PCDH9: variants seen among roughly 807,000 people sequenced by gnomAD.
The protein encoded by PCDH9 is protocadherin 9, also known as protocadherin-9.
In PCDH9, 24 loss-of-function variants were observed where a neutral mutation model predicts 70.6. The ratio of observed to expected loss-of-function variants is 0.34; its 90% CI spans 0.25 to 0.48. The LOEUF is 0.48. PCDH9 is among the 20% of genes least tolerant of loss of function. The pLI is 0.99. For missense variants in PCDH9, 1,281 were observed against 1,503.6 expected (o/e 0.85, Z 2.45); for synonymous variants, 562 against 558.5 (o/e 1.01, Z -0.09).
chr13:66,911,981 A>G (rs2082475245), intron 2 of PCDH9, among the ~76,000 whole-genome samples: 1 of 152,162 alleles, frequency 6.6e-6, no homozygotes, highest in Admixed American at 6.6e-5. Context: ...TTATTTCATT[A>G]TTTACTGCGA....
chr13:67,005,977 A>C (rs7999101), intron 2 of PCDH9, among the ~76,000 whole-genome samples: 1 of 152,006 alleles, frequency 6.6e-6, no homozygotes, highest in African/African-American at 2.4e-5. Context: ...CTGTAATCCC[A>C]GCACTTTGGG....
chr13:66,403,238 C>G (rs965624052), intron 4 of PCDH9, among the ~76,000 whole-genome samples: 4 of 151,948 alleles, frequency 2.6e-5, no homozygotes, highest in Non-Finnish European at 4.4e-5. Context: ...TTTACAGGCT[C>G]AAGCAATCCT....
In PCDH9 at chr13:66,730,078, C is replaced by T. The variant is rs187669593; in HGVS notation, c.3139-98667G>A. Among the ~76,000 whole-genome samples the T allele has an allele frequency of 7.2e-5, 11 of 152,272 alleles. No homozygotes were observed. The South Asian group carries it at 1.2e-3, about 17-fold the overall frequency. On this transcript the variant is annotated intron_variant, in intron 3 of 4. Transcript: ENST00000377865. ...TTAACCATCTACAGTGGGCCTATAG[C>T]CCCATTATACTACTTCTGTAGAGAC...
rs553500581 is a variant in PCDH9, at chr13:67,154,857, C to T, written c.3036+70548G>A. On this transcript the variant is annotated intron_variant, in intron 2 of 4. Coordinates refer to ENST00000377865, the MANE Select transcript of PCDH9 (RefSeq NM_203487.3). ...TAGCTGGTACTACAGGTGCGTGTCA[C>T]CACACCCAGCAAATTTTTTGTATTT... Among the ~76,000 whole-genome samples, 6 of 151,734 alleles carry T rather than the reference C, an allele frequency of 4.0e-5. No homozygotes were observed. The South Asian group carries it at 1.3e-3, about 32-fold the overall frequency.
At chr13:67,219,462 T>C (rs1003053193) in intron 2 of PCDH9, 7 of 152,082 alleles carry the variant, frequency 4.6e-5, no homozygotes, top group African/African-American at 1.7e-4. Flanking sequence ...TGAGAGATCC[T>C]ATTTTTACAT....
chr13:66,402,865 C>G (rs1296741439), intron 4 of PCDH9, among the ~76,000 whole-genome samples: 2 of 152,258 alleles, frequency 1.3e-5, no homozygotes, highest in Non-Finnish European at 2.9e-5. Flanking sequence ...CATTATGTCT[C>G]TAAGTGTTTT....
At chr13:66,320,604 G>A (rs944829514) in intron 4 of PCDH9, among the ~76,000 whole-genome samples, 1 of 151,898 alleles carries the variant, frequency 6.6e-6, no homozygotes, top group African/African-American at 2.4e-5. Flanking sequence ...CTTTCAGCAT[G>A]AAATGTAAAT....
At chr13:66,802,268 T>C (rs189310266) in intron 3 of PCDH9, among the ~76,000 whole-genome samples, 121 of 152,120 alleles carry the variant, frequency 8.0e-4, no homozygotes, top group Non-Finnish European at 1.3e-3. Context: ...CTTCTCAAAA[T>C]AATGAATTCC....
intron 2 of PCDH9, among the ~76,000 whole-genome samples, chr13:67,117,817 A>G (rs924514816): frequency 6.6e-6 from 1 of 152,158 alleles, no homozygotes; most frequent in Non-Finnish European, 1.5e-5. Context: ...TAAAAATGTC[A>G]TATCTCAAAT....
intron 3 of PCDH9, among the ~76,000 whole-genome samples, chr13:66,862,567 T>C (rs1157480376): frequency 6.6e-6 from 1 of 152,248 alleles, no homozygotes; most frequent in African/African-American, 2.4e-5. Flanking sequence ...CTGCTTTAAC[T>C]TGATATGGAT....
intron 2 of PCDH9, among the ~76,000 whole-genome samples, chr13:66,936,054 C>G (rs865913708): frequency 6.6e-6 from 1 of 152,174 alleles, no homozygotes; most frequent in East Asian, 1.9e-4. Flanking sequence ...CACTGCACTC[C>G]AGCTTGGCAA....
intron 2 of PCDH9, among the ~76,000 whole-genome samples, chr13:66,971,061 C>T (rs2083513631): frequency 6.6e-6 from 1 of 152,012 alleles, no homozygotes; most frequent in South Asian, 2.1e-4. Flanking sequence ...TTTCTAACCA[C>T]AGTTCTGCAT....
intron 3 of PCDH9, among the ~76,000 whole-genome samples, chr13:66,712,611 A>T (rs2078810386): frequency 6.6e-6 from 1 of 152,190 alleles, no homozygotes; most frequent in Non-Finnish European, 1.5e-5. Flanking sequence ...GCTTCAAAGA[A>T]GTCCTTTGGA....
intron 4 of PCDH9, among the ~76,000 whole-genome samples, chr13:66,327,511 C>T (rs564157729): frequency 1.2e-4 from 19 of 152,100 alleles, no homozygotes; most frequent in South Asian, 2.1e-4. Context: ...ACCATATTAA[C>T]GCTCTTTAAA....
intron 4 of PCDH9, among the ~76,000 whole-genome samples, chr13:66,555,951 A>ATC (rs1491456009): frequency 6.7e-6 from 1 of 148,308 alleles, no homozygotes; most frequent in East Asian, 1.9e-4. Context: ...TTATATATAT[A>ATC]AGATATATAC....
intron 2 of PCDH9, among the ~76,000 whole-genome samples, chr13:66,927,252 T>A (rs1317435212): frequency 6.6e-6 from 1 of 151,972 alleles, no homozygotes; most frequent in Non-Finnish European, 1.5e-5. Flanking sequence ...TGCAGGGACA[T>A]AGGTGGAGCT....
chr13:66,781,768 G>A (rs1050260348), intron 3 of PCDH9, among the ~76,000 whole-genome samples: 18 of 152,214 alleles, frequency 1.2e-4, no homozygotes, highest in African/African-American at 4.1e-4. Context: ...AAAATATAAT[G>A]ATAAAAGCAA....
At chr13:66,464,708 C>A (rs187409527) in intron 4 of PCDH9, among the ~76,000 whole-genome samples, 1 of 151,956 alleles carries the variant, frequency 6.6e-6, no homozygotes, top group African/African-American at 2.4e-5. Context: ...GAGGGGACTG[C>A]AAGTGGACTA....
chr13:66,614,824 C>T (rs977428685), intron 4 of PCDH9, among the ~76,000 whole-genome samples: 7 of 152,184 alleles, frequency 4.6e-5, no homozygotes, highest in African/African-American at 1.7e-4. Flanking sequence ...ACAAAAGAGA[C>T]AGGGTCATTT....
Sources: gnomAD v4.1 joint callset for allele counts (sites outside exome capture counted in the v4.1 genomes callset) on GRCh38, gnomAD v4.1.1 for gene constraint, MANE v1.5 for transcripts, NCBI Gene and HGNC (gene_info 2026-07-23, HGNC 2026-07-21) for gene names.